The following CIP2A variants were observed in gnomAD, a reference collection of about 807,000 sequenced individuals.
CIP2A encodes the protein protein CIP2A.
In CIP2A, 103 loss-of-function variants were observed where a neutral mutation model predicts 110.9. That is an observed-to-expected ratio of 0.93 (90% CI 0.79 to 1.09). CIP2A has a LOEUF of 1.09. Ranked by LOEUF, CIP2A falls within the 50% of genes least tolerant of loss-of-function variation. CIP2A has a pLI of 0.00. For synonymous variants in CIP2A, 381 were observed against 361.6 expected, an observed-to-expected ratio of 1.05 and a Z score of -0.61; for missense variants, 1,088 against 1,038.4, an observed-to-expected ratio of 1.05 and a Z score of -0.66.
At chr3:108,572,042 G>GT (rs1559697071) in intron 8 of CIP2A, among the ~76,000 whole-genome samples, 1 of 151,920 alleles carries the variant, frequency 6.6e-6, no homozygotes. Context: ...TCGGCTCTGT[G>GT]TTTTTTCGGA....
chr3:108,563,262 C>T lies in CIP2A; in HGVS notation c.1516-18G>A, dbSNP rs375349733. ...CGTGGGTCCTAAATAAATCAGAAAC[C>T]AAAAAAGAAGCAGCAGAAAGAATAA... is the stretch of plus-strand genomic sequence containing the variant. On this transcript the variant is annotated intron_variant, in intron 12 of 20. Transcript: ENST00000295746. The T allele has an allele frequency of 4.9e-5, 69 of 1,415,728 alleles. No homozygotes were observed. In the African/African-American group the frequency reaches 5.5e-4, roughly 11 times the overall value. The allele number at this position is 1,415,728 out of a possible 1,614,324, so 87.7% of individuals were successfully genotyped here.
intron 8 of CIP2A, among the ~76,000 whole-genome samples, chr3:108,571,412 G>A (rs1938399201): frequency 6.6e-6 from 1 of 152,128 alleles, no homozygotes; most frequent in Non-Finnish European, 1.5e-5. Flanking sequence ...TAGGCAATAA[G>A]AAGTCTGTGT....
At position 108,551,190 on chromosome 3, in the gene CIP2A, CACTTAA is replaced by C; in HGVS notation, c.2671_2676del (p.Leu891_Ser892del). On this transcript the variant is annotated inframe_deletion, in exon 21 of 21. Coordinates refer to ENST00000295746, the MANE Select transcript of CIP2A (RefSeq NM_020890.3). Reference sequence around the variant, plus strand: ...ACAGTTTCTGGATTTATTTTTCCACCACTTAAACTGTGGATCATTGCTATCATGTGG... The same window carrying C: ...ACAGTTTCTGGATTTATTTTTCCACCACTGTGGATCATTGCTATCATGTGG... 1 of 1,607,124 alleles carries C rather than the reference CACTTAA, an allele frequency of 6.2e-7. No individual in the cohort carries two copies. The highest frequency in any genetic ancestry group is 8.5e-7 in the Non-Finnish European group (1 of 1,176,126).
At chr3:108,553,916 A>AAAAAAAAAAAAAACAAAAAC (rs1937692913) in intron 18 of CIP2A, among the ~76,000 whole-genome samples, 186 bp from the exon 19 acceptor site, 1 of 142,718 alleles carries the variant, frequency 7.0e-6, no homozygotes, top group Admixed American at 7.0e-5. Flanking sequence ...AAAAAAAAAA[A>AAAAAAAAAAAAAACAAAAAC]AAAGGTCTCG....
chr3:108,584,200 T>C (rs1938972007), intron 2 of CIP2A, among the ~76,000 whole-genome samples: 1 of 152,116 alleles, frequency 6.6e-6, no homozygotes, highest in South Asian at 2.1e-4. Context: ...CTGTCCACTA[T>C]TAGGGGAATA....
chr3:108,581,342 GAT>G, intron 5 of CIP2A, 71 bp downstream of exon 5: 1 of 1,071,360 alleles, frequency 9.3e-7, no homozygotes, highest in South Asian at 1.4e-5. Flanking sequence ...TAAAGAAAAA[GAT>G]AAATACAATT....
In CIP2A at chr3:108,551,093, A is replaced by T; in HGVS notation, c.*56T>A. The stretch of plus-strand genomic sequence containing the variant: ...AACTCCCCTACCCACCCCCCCTCCA[A>T]TAGATAAATACATCAAAAATATCAT... On this transcript the variant is annotated 3_prime_UTR_variant, in exon 21 of 21. Coordinates refer to ENST00000295746, the MANE Select transcript of CIP2A (RefSeq NM_020890.3). 1 of 512,058 alleles carries T rather than the reference A, an allele frequency of 2.0e-6. No homozygotes were observed. The highest frequency in any genetic ancestry group is 3.5e-5 in the South Asian group (1 of 28,526). The allele number at this position is 512,058 out of a possible 1,614,324, so 31.7% of individuals were successfully genotyped here. A position where few individuals can be genotyped will look rare whatever the true frequency, so the allele number is the denominator to read the frequency against.
At chr3:108,573,651 TTTC>T (rs1938471920) in intron 8 of CIP2A, among the ~76,000 whole-genome samples, 1 of 152,020 alleles carries the variant, frequency 6.6e-6, no homozygotes, top group Non-Finnish European at 1.5e-5. Flanking sequence ...TCCTAGTCAC[TTTC>T]TTAAGATCCA....
rs1293724144 is a variant in CIP2A at position 108,569,402 on chromosome 3, T to C, written c.1100A>G (p.Lys367Arg). The C allele has an allele frequency of 1.9e-6, 3 of 1,611,768 alleles. No individual in the cohort carries two copies. In the South Asian group the frequency reaches 3.3e-5, roughly 18 times the overall value. Reference protein sequence around the residue: ...NCSVLALELFKEIFEDVIDAA... With the variant: ...NCSVLALELFREIFEDVIDAA... ...TCATCCTATTACCTCAAATATTTCC[T>C]TGAACAACTCCAATGCTAAAACAGA... The change falls in exon 9 of 21, where the codon AAG becomes AGG. Residue 367 changes from lysine to arginine, a missense_variant. Transcript: ENST00000295746.
chr3:108,582,990 G>T lies in CIP2A; in HGVS notation c.344C>A (p.Ser115Ter). 6.2e-7 allele frequency: 1 copy of T among 1,607,294 alleles called. No individual in the cohort carries two copies. Among genetic ancestry groups the T allele is most frequent in the African/African-American group, 1.3e-5 (1 of 74,818 alleles). The stretch of plus-strand genomic sequence containing the variant: ...GGGTCTGTATACCTGCAAAAACACC[G>T]AATCAGTGTGGCTGCTCCGACAAAC... ...GVVCRSSHTD[S>*]VFLQCIQLLQ... Residue 115 changes from serine (S) to a stop codon, truncating the protein, a stop_gained, in exon 3 of 21, where the codon TCG (serine) becomes TAG (stop). Transcript: ENST00000295746. LOFTEE classifies it high-confidence loss of function.
chr3:108,566,710 T>C, intron 10 of CIP2A, 72 bp from the exon 11 acceptor site: 1 of 938,526 alleles, frequency 1.1e-6, no homozygotes, highest in South Asian at 1.9e-5. Context: ...CAGGATGATT[T>C]CATACAAATT....
intron 8 of CIP2A, among the ~76,000 whole-genome samples, chr3:108,575,305 TACAC>T (rs576074577): frequency 2.7e-5 from 4 of 146,692 alleles, no homozygotes; most frequent in Non-Finnish European, 5.9e-5. Flanking sequence ...CACGTGTACG[TACAC>T]ACACGTGCAT....
rs1185875172 is a variant in CIP2A, at chr3:108,575,329, CGTGTATATATACATATACACACAT to C, written c.894+918_894+941del. Among the ~76,000 whole-genome samples, 806 of 149,450 alleles carry C rather than the reference CGTGTATATATACATATACACACAT, an allele frequency of 5.4e-3. 7 individuals are homozygous for C. Among genetic ancestry groups the C allele is most frequent in the African/African-American group, 0.019 (769 of 40,178 alleles). On this transcript the variant is annotated intron_variant, in intron 8 of 20. Transcript: ENST00000295746. The stretch of plus-strand genomic sequence containing the variant: ...GTACACACACGTGCATGTACACACA[CGTGTATATATACATATACACACAT>C]GTGTATATATACATACACATATACA...
At chr3:108,578,074 C>T (rs557503057) in intron 7 of CIP2A, among the ~76,000 whole-genome samples, 5 of 152,210 alleles carry the variant, frequency 3.3e-5, no homozygotes, top group Admixed American at 3.3e-4. Flanking sequence ...TGTTCAATGG[C>T]ATACCAGAAA....
In CIP2A at chr3:108,550,396, A is replaced by T. The variant is rs2083881887; in HGVS notation, c.*753T>A. ...GTAAATCATAAGAAACTTATAATTA[A>T]TTATAGATGATCTGGACCACTATGC... On this transcript the variant is annotated 3_prime_UTR_variant, in exon 21 of 21. Transcript: ENST00000295746. 1.3e-5 allele frequency: 2 copies of T among 151,556 alleles called. No individual in the cohort carries two copies. The highest frequency in any genetic ancestry group is 3.0e-5 in the Non-Finnish European group (2 of 67,716). 9.4% of individuals were successfully genotyped at this position (151,556 alleles called of 1,614,324 possible).
chr3:108,573,587 C>T (rs946519211), intron 8 of CIP2A, among the ~76,000 whole-genome samples: 2 of 151,658 alleles, frequency 1.3e-5, no homozygotes, highest in African/African-American at 4.8e-5. Context: ...TAGATTTTTC[C>T]CTTGCTGTGT....
In CIP2A at chr3:108,589,341, A is replaced by G; in HGVS notation, c.35T>C (p.Leu12Pro). Residue 12 changes from leucine (L) to proline (P), a missense_variant, in exon 1 of 21, where the codon CTG becomes CCG. Coordinates refer to ENST00000295746, the MANE Select transcript of CIP2A (RefSeq NM_020890.3). ...CACGGCTTTGTACTGACTGACAGTC[A>G]GGAGCAAGGACTTCAAGCAGGCAGT... ...DSTACLKSLL[L>P]TVSQYKAVKS... The G allele has an allele frequency of 6.2e-7, 1 of 1,613,928 alleles. No individual in the cohort carries two copies. The highest frequency in any genetic ancestry group is 8.5e-7 in the Non-Finnish European group (1 of 1,179,884).
At chr3:108,574,347 T>C (rs1401501587) in intron 8 of CIP2A, among the ~76,000 whole-genome samples, 1 of 152,096 alleles carries the variant, frequency 6.6e-6, no homozygotes, top group African/African-American at 2.4e-5. Context: ...AAGTGAAAAA[T>C]ATCAACTGCT....
chr3:108,579,337 T>G lies in CIP2A; in HGVS notation c.762A>C (p.Ser254=), dbSNP rs1938782999. The G allele has an allele frequency of 1.2e-6, 2 of 1,608,308 alleles. No homozygotes were observed. Among genetic ancestry groups the G allele is most frequent in the Non-Finnish European group, 1.7e-6 (2 of 1,174,950 alleles). Residue 254 remains serine (S), a synonymous_variant, in exon 7 of 21, where the codon TCA becomes TCC. Coordinates refer to ENST00000295746, the MANE Select transcript of CIP2A (RefSeq NM_020890.3). ...NGDGTLTRKY[S]VDLLMDLLKN... ...TAAGGAGATCCATCAGTAGGTCAAC[T>G]GAATACTTTCTAGTTAGAGTGCCAT...
Sources: allele counts gnomAD v4.1 joint callset (sites outside exome capture counted in the v4.1 genomes callset), GRCh38; gene constraint gnomAD v4.1.1; transcripts MANE v1.5; gene names NCBI Gene and HGNC (gene_info 2026-07-23, HGNC 2026-07-21).